Variants in GRB14 observed in about 807,000 individuals in gnomAD.
The protein encoded by GRB14 is growth factor receptor bound protein 14, also known as growth factor receptor-bound protein 14.
Under a neutral mutation model 69.1 loss-of-function variants are expected in GRB14, and 38 were observed. The ratio of observed to expected loss-of-function variants is 0.55; its 90% CI spans 0.42 to 0.72. The LOEUF (loss-of-function observed/expected upper bound fraction) is 0.72, where lower values mean the gene tolerates loss of function less well. GRB14 is among the 30% of genes least tolerant of loss of function. The pLI is 0.00. For synonymous variants in GRB14, 247 were observed against 241.3 expected, an observed-to-expected ratio of 1.02 and a Z score of -0.22; for missense variants, 666 against 666.1, an observed-to-expected ratio of 1.00 and a Z score of 0.00.
At chr2:164,531,842 C>T (rs1362038089) in intron 3 of GRB14, among the ~76,000 whole-genome samples, 1 of 152,132 alleles carries the variant, frequency 6.6e-6, no homozygotes, top group African/African-American at 2.4e-5. Context: ...AGAGCATAGA[C>T]TTAGGAAAGT....
At chr2:164,594,146 A>C (rs558377463) in intron 2 of GRB14, among the ~76,000 whole-genome samples, 1 of 151,336 alleles carries the variant, frequency 6.6e-6, no homozygotes, top group East Asian at 1.9e-4. Flanking sequence ...CAGTCTGTCT[A>C]ATAAAAAAAA....
chr2:164,534,372 G>A (rs1688027314), intron 3 of GRB14, among the ~76,000 whole-genome samples: 1 of 152,016 alleles, frequency 6.6e-6, no homozygotes, highest in Admixed American at 6.6e-5. Context: ...ACCCTGGGAG[G>A]CATAATTGAA....
intron 2 of GRB14, among the ~76,000 whole-genome samples, chr2:164,590,460 C>G (rs1286116661): frequency 1.3e-5 from 2 of 152,126 alleles, no homozygotes; most frequent in Non-Finnish European, 2.9e-5. Flanking sequence ...AACATACTTA[C>G]GTGGATGTAT....
chr2:164,498,601 C>T (rs1221434782), intron 9 of GRB14, among the ~76,000 whole-genome samples: 1 of 152,096 alleles, frequency 6.6e-6, no homozygotes, highest in Non-Finnish European at 1.5e-5. Context: ...AATAGAAGAG[C>T]AAAACCCAAA....
chr2:164,571,193 T>C (rs1689114355), intron 2 of GRB14, among the ~76,000 whole-genome samples: 1 of 152,210 alleles, frequency 6.6e-6, no homozygotes, highest in Non-Finnish European at 1.5e-5. Context: ...CCTATTCTTT[T>C]TTCTCATTAA....
intron 2 of GRB14, among the ~76,000 whole-genome samples, chr2:164,548,557 C>T (rs1688445403): frequency 6.6e-6 from 1 of 152,132 alleles, no homozygotes; most frequent in Non-Finnish European, 1.5e-5. Flanking sequence ...GACTTAAACT[C>T]CTTTGGGTAT....
At chr2:164,508,587 T>A in intron 7 of GRB14, 37 bp from the exon 8 acceptor site, 1 of 1,570,016 alleles carries the variant, frequency 6.4e-7, no homozygotes, top group Non-Finnish European at 8.8e-7. Context: ...CGTTAATGCA[T>A]ATCTTGAAGG....
chr2:164,573,764 A>G, intron 2 of GRB14: 1 of 1,611,560 alleles, frequency 6.2e-7, no homozygotes. Flanking sequence ...CATATTTGAG[A>G]CTTTCTGTCG....
chr2:164,613,871 G>C (rs768361722), intron 2 of GRB14, among the ~76,000 whole-genome samples: 18 of 152,150 alleles, frequency 1.2e-4, no homozygotes, highest in Non-Finnish European at 2.2e-4. Flanking sequence ...AAACACAACT[G>C]TCCTCAGTTT....
chr2:164,621,314 G>A lies in GRB14; in HGVS notation c.-5C>T. On this transcript the variant is annotated 5_prime_UTR_variant, in exon 1 of 14. It introduces an in-frame stop codon into an upstream open reading frame of the 5' UTR. Coordinates refer to ENST00000263915, the MANE Select transcript of GRB14 (RefSeq NM_004490.3). The surrounding 1 kb of genome is among the most constrained non-coding windows in gnomAD (Gnocchi z 6.0). ...ATCTTGCAGGGAAGTGGTCATTGTC[G>A]CCGGCCGGGGGGCTCGGGCGTCATG... 1.6e-6 allele frequency: 2 copies of A among 1,284,644 alleles called. No homozygotes were observed. The highest frequency in any genetic ancestry group is 2.0e-6 in the Non-Finnish European group (2 of 1,015,696). The allele number at this position is 1,284,644 out of a possible 1,614,324, so 79.6% of individuals were successfully genotyped here.
chr2:164,558,867 T>C (rs958187688), intron 2 of GRB14, among the ~76,000 whole-genome samples: 1 of 152,208 alleles, frequency 6.6e-6, no homozygotes, highest in African/African-American at 2.4e-5. Context: ...AAAGATACTG[T>C]TTGCTAGAGC....
rs994429244 is a variant in GRB14 at position 164,534,431 on chromosome 2, C to T, written c.482-7296G>A. Among the ~76,000 whole-genome samples, 3 of 151,874 alleles carry T rather than the reference C, an allele frequency of 2.0e-5. No homozygotes were observed. In the East Asian group the frequency reaches 5.8e-4, roughly 29 times the overall value. ...AAAATTAGCATTTCTTTTTTCAATG[C>T]AGATATCTGACTAAATACAGGCCCT... is the stretch of plus-strand genomic sequence containing the variant. On this transcript the variant is annotated intron_variant, in intron 3 of 13. Transcript: ENST00000263915.
intron 2 of GRB14, among the ~76,000 whole-genome samples, chr2:164,582,816 T>C (rs1231148253): frequency 6.6e-6 from 1 of 152,192 alleles, no homozygotes. Flanking sequence ...GTCATGGAAA[T>C]AGCTAAGAGG....
chr2:164,619,747 A>G lies in GRB14; in HGVS notation c.264T>C (p.Ser88=). The G allele has an allele frequency of 3.7e-6, 6 of 1,606,064 alleles. No individual in the cohort carries two copies. Among genetic ancestry groups the G allele is most frequent in the Non-Finnish European group, 4.3e-6 (5 of 1,175,354 alleles). ...IPNPFPELCC[S]PFTSVLSADL... The stretch of plus-strand genomic sequence containing the variant: ...CTGCTGACAACACAGATGTAAATGG[A>G]GAACAGCATAGCTCAGGAAAAGGGT... The change falls in exon 2 of 14, where the codon TCT becomes TCC. Residue 88 remains serine (S), a synonymous_variant. Transcript: ENST00000263915.
intron 2 of GRB14, among the ~76,000 whole-genome samples, chr2:164,616,367 A>G (rs1379012699): frequency 6.9e-6 from 1 of 145,730 alleles, no homozygotes; most frequent in African/African-American, 2.5e-5. Flanking sequence ...CAGAGCTTGC[A>G]GTAAGCCGAG....
intron 2 of GRB14, among the ~76,000 whole-genome samples, chr2:164,606,993 A>C (rs1163415684): frequency 6.6e-6 from 1 of 152,192 alleles, no homozygotes. Flanking sequence ...TAAGACTGAA[A>C]ATGCTTACAA....
At chr2:164,618,673 C>T (rs1216161685) in intron 2 of GRB14, among the ~76,000 whole-genome samples, 1 of 152,184 alleles carries the variant, frequency 6.6e-6, no homozygotes, top group Non-Finnish European at 1.5e-5. Context: ...TCTATCATTT[C>T]TGTATATGAT....
intron 2 of GRB14, among the ~76,000 whole-genome samples, chr2:164,567,584 G>A (rs1159068809): frequency 2.0e-5 from 3 of 152,134 alleles, no homozygotes; most frequent in African/African-American, 7.2e-5. Context: ...GAAGTCCAGT[G>A]CAATGTTCTT....
intron 3 of GRB14, among the ~76,000 whole-genome samples, chr2:164,543,658 G>A (rs552857772): frequency 1.1e-4 from 17 of 152,118 alleles, no homozygotes; most frequent in East Asian, 9.7e-4. Flanking sequence ...AGATGTCAGC[G>A]GTTTATTCTG....
Sources: gnomAD v4.1 joint callset for allele counts (sites outside exome capture counted in the v4.1 genomes callset) on GRCh38, gnomAD v4.1.1 for gene constraint, Gnocchi (gnomAD v3.1) non-coding constraint, MANE v1.5 for transcripts, NCBI Gene and HGNC (gene_info 2026-07-23, HGNC 2026-07-21) for gene names.